YBX1: variants seen among roughly 807,000 people sequenced by gnomAD.
The protein encoded by YBX1 is Y-box binding protein 1.
In YBX1, 3 loss-of-function variants were observed where a neutral mutation model predicts 41.4. The ratio of observed to expected loss-of-function variants is 0.07; its 90% CI spans 0.03 to 0.19. YBX1 has a LOEUF of 0.19. Among genes scored for constraint, YBX1 ranks in the 10% least tolerant of loss-of-function variants. The pLI is 1.00. For synonymous variants in YBX1, 133 were observed against 165.8 expected, an observed-to-expected ratio of 0.80 and a Z score of 1.52; for missense variants, 274 against 462.8, an observed-to-expected ratio of 0.59 and a Z score of 3.74.
chr1:42,689,984 T>G (rs1372483315), intron 2 of YBX1, among the ~76,000 whole-genome samples: 2 of 152,146 alleles, frequency 1.3e-5, no homozygotes, highest in African/African-American at 2.4e-5. Context: ...TTTAGTGTAG[T>G]TTTTCTCATT....
intron 6 of YBX1, among the ~76,000 whole-genome samples, chr1:42,700,073 C>T (rs929324057): frequency 2.0e-5 from 3 of 152,196 alleles, no homozygotes; most frequent in Non-Finnish European, 2.9e-5. Context: ...TTAGAACAGT[C>T]ACCACTGTAG....
intron 2 of YBX1, among the ~76,000 whole-genome samples, chr1:42,689,331 G>C (rs547842621): frequency 6.6e-6 from 1 of 152,284 alleles, no homozygotes; most frequent in African/African-American, 2.4e-5. Flanking sequence ...GGTTGCTTTA[G>C]GTTATGGAGC....
intron 2 of YBX1, among the ~76,000 whole-genome samples, chr1:42,686,611 A>G (rs1483284860): frequency 1.3e-5 from 2 of 152,232 alleles, no homozygotes; most frequent in Admixed American, 6.5e-5. Context: ...AGTCACGCCT[A>G]TCAGGTTTAG....
chr1:42,696,083 T>C lies in YBX1; in HGVS notation c.265-116T>C. 1.1e-6 allele frequency: 1 copy of C among 880,060 alleles called. No individual in the cohort carries two copies. Among genetic ancestry groups the C allele is most frequent in the Non-Finnish European group, 1.7e-6 (1 of 605,600 alleles). The allele number at this position is 880,060 out of a possible 1,614,324, so 54.5% of individuals were successfully genotyped here. On this transcript the variant is annotated intron_variant, in intron 3 of 7. Coordinates refer to ENST00000321358, the MANE Select transcript of YBX1 (RefSeq NM_004559.5). The surrounding 1 kb of genome is among the most constrained non-coding windows in gnomAD (Gnocchi z 5.7). ...AATTTATTGATGGTTTGGTCTTATT[T>C]AAAGCAAATCTTAAGTGTATATCCA...
intron 2 of YBX1, among the ~76,000 whole-genome samples, chr1:42,687,521 A>G (rs1366475378): frequency 6.6e-6 from 1 of 152,096 alleles, no homozygotes; most frequent in Non-Finnish European, 1.5e-5. Context: ...ACCTCAGGTG[A>G]TCCACCCGCC....
chr1:42,682,838 C>A, intron 1 of YBX1, 107 bp downstream of exon 1: 2 of 645,190 alleles, frequency 3.1e-6, no homozygotes, highest in Non-Finnish European at 2.1e-6. Context: ...GGCACCGACT[C>A]CGCGGCGCGC....
At chr1:42,690,675 G>A (rs1406910547) in intron 2 of YBX1, among the ~76,000 whole-genome samples, 1 of 152,132 alleles carries the variant, frequency 6.6e-6, no homozygotes, top group Non-Finnish European at 1.5e-5. Context: ...TAGCCCATAG[G>A]AACTTGACAG....
chr1:42,686,742 G>A (rs1650206759), intron 2 of YBX1, among the ~76,000 whole-genome samples: 1 of 152,244 alleles, frequency 6.6e-6, no homozygotes, highest in African/African-American at 2.4e-5. Flanking sequence ...AGGGTCTATA[G>A]TAAGTGCTTA....
Position 42,690,667 on chromosome 1 carries a change from G to T in YBX1, c.231-2823G>T, listed in dbSNP as rs367972575. ...TCAGGGCCTGATTGCCCCAGCTTTA[G>T]CCCATAGGAACTTGACAGCTTGTTC... On this transcript the variant is annotated intron_variant, in intron 2 of 7. Coordinates refer to ENST00000321358, the MANE Select transcript of YBX1 (RefSeq NM_004559.5). Among the ~76,000 whole-genome samples, 66 of 152,308 alleles carry T rather than the reference G, an allele frequency of 4.3e-4. No individual in the cohort carries two copies. The East Asian group carries it at 0.012, about 28-fold the overall frequency.
At chr1:42,698,240 A>G (rs1650508178) in intron 6 of YBX1, among the ~76,000 whole-genome samples, 1 of 152,254 alleles carries the variant, frequency 6.6e-6, no homozygotes, top group South Asian at 2.1e-4. Context: ...AGGTTGTATT[A>G]CATGTATTTA....
intron 1 of YBX1, 83 bp downstream of exon 1, chr1:42,682,814 G>T: frequency 1.0e-6 from 1 of 980,238 alleles, no homozygotes; most frequent in South Asian, 5.2e-5. Context: ...GAGCCGGCGG[G>T]CGCGCGGCCG....
intron 6 of YBX1, among the ~76,000 whole-genome samples, chr1:42,698,312 A>G (rs1650510276): frequency 6.6e-6 from 1 of 152,216 alleles, no homozygotes; most frequent in Admixed American, 6.5e-5. Flanking sequence ...TTTTGTATTA[A>G]TATGTCTTGT....
At chr1:42,682,888 C>G in intron 1 of YBX1, 157 bp downstream of exon 1, 1 of 284,510 alleles carries the variant, frequency 3.5e-6, no homozygotes. Context: ...CTCCCTCTCG[C>G]GGGGACCCGC....
chr1:42,701,349 A>G (rs1650595675), intron 7 of YBX1, among the ~76,000 whole-genome samples: 1 of 152,302 alleles, frequency 6.6e-6, no homozygotes, highest in South Asian at 2.1e-4. Context: ...TGATTTCACT[A>G]GTAAACAGAG....
chr1:42,693,720 C>G (rs1202077984), intron 3 of YBX1, among the ~76,000 whole-genome samples, 197 bp downstream of exon 3: 1 of 152,196 alleles, frequency 6.6e-6, no homozygotes, highest in African/African-American at 2.4e-5. Context: ...CTAGACATTT[C>G]AAATTGGAAT....
chr1:42,689,587 AGTTAT>A (rs1249824280), intron 2 of YBX1, among the ~76,000 whole-genome samples: 1 of 152,220 alleles, frequency 6.6e-6, no homozygotes, highest in Non-Finnish European at 1.5e-5. Flanking sequence ...GGATAAAGAT[AGTTAT>A]GTTTTAAAAG....
chr1:42,688,539 A>G (rs1269945271), intron 2 of YBX1, among the ~76,000 whole-genome samples: 2 of 152,196 alleles, frequency 1.3e-5, no homozygotes, highest in Admixed American at 6.5e-5. Flanking sequence ...GCCTATTGCT[A>G]CTGCAGTGAG....
In YBX1 at chr1:42,701,004, G is replaced by A. The variant is rs780578040; in HGVS notation, c.964G>A (p.Gly322Arg). ...GTCCGCTCCCGAGGCTGAGCAGGGC[G>A]GGGCTGAGTAAATGCCGGCTTACCA... ...NSSAPEAEQG[G>R]AE The change falls in exon 7 of 8, where the codon GGG (glycine) becomes AGG (arginine). Residue 322 changes from glycine (G) to arginine (R), a missense_variant. Gly to Arg is a moderately radical substitution (Grantham distance 125, BLOSUM62 -2). Transcript: ENST00000321358. 12 of 1,613,968 alleles carry A rather than the reference G, an allele frequency of 7.4e-6. No homozygotes were observed. Among genetic ancestry groups the A allele is most frequent in the South Asian group, 4.4e-5 (4 of 91,084 alleles).
intron 2 of YBX1, among the ~76,000 whole-genome samples, chr1:42,691,533 C>T (rs1047504221): frequency 4.0e-5 from 6 of 151,814 alleles, no homozygotes; most frequent in South Asian, 4.2e-4. Flanking sequence ...TTTTTATTGC[C>T]GGGTATGATG....
Sources: allele counts gnomAD v4.1 joint callset (sites outside exome capture counted in the v4.1 genomes callset), GRCh38; gene constraint gnomAD v4.1.1; non-coding constraint Gnocchi (gnomAD v3.1); transcripts MANE v1.5; gene names NCBI Gene and HGNC (gene_info 2026-07-23, HGNC 2026-07-21).